The following COL12A1 variants were observed in gnomAD, a reference collection of about 807,000 sequenced individuals.
The protein encoded by COL12A1 is collagen type XII alpha 1 chain.
Under a neutral mutation model 349.7 loss-of-function variants are expected in COL12A1, and 114 were observed. That is an observed-to-expected ratio of 0.33 (90% CI 0.28 to 0.38). The LOEUF (loss-of-function observed/expected upper bound fraction) is 0.38, where lower values mean the gene tolerates loss of function less well. COL12A1 is among the 10% of genes least tolerant of loss of function. The pLI, the probability that COL12A1 is intolerant of heterozygous loss-of-function variation, is 1.00. For missense variants in COL12A1, 3,284 were observed against 3,756.9 expected, an observed-to-expected ratio of 0.87 and a Z score of 3.29; for synonymous variants, 1,369 against 1,329.0, an observed-to-expected ratio of 1.03 and a Z score of -0.66.
intron 17 of COL12A1, among the ~76,000 whole-genome samples, chr6:75,152,972 TAA>T (rs535735901): frequency 1.8e-4 from 28 of 152,136 alleles, no homozygotes; most frequent in African/African-American, 5.8e-4. Context: ...ATATGTAAAC[TAA>T]AAAAAGGTTT....
Position 75,177,812 on chromosome 6 carries a change from C to G in COL12A1, c.2288G>C (p.Gly763Ala). The G allele has an allele frequency of 3.1e-6, 5 of 1,614,124 alleles. No homozygotes were observed. The highest frequency in any genetic ancestry group is 4.2e-6 in the Non-Finnish European group (5 of 1,180,030). ...TGGGGTGGTAACTTCTCTGCTCTCTCCACCAGCAACTGGTCTATATATAAT... is the reference window on the plus strand; with the variant it reads ...TGGGGTGGTAACTTCTCTGCTCTCTGCACCAGCAACTGGTCTATATATAAT... ...YRIIYRPVAG[G>A]ESREVTTPPN... The change falls in exon 12 of 66, where the codon GGA becomes GCA. Residue 763 changes from glycine (G) to alanine (A), a missense_variant. Around this residue, in one of 2 missense-constraint regions of COL12A1, gnomAD observed 2,601 missense variants for 2,824.8 expected, o/e 0.92. Coordinates refer to ENST00000322507, the MANE Select transcript of COL12A1 (RefSeq NM_004370.6).
In COL12A1 at chr6:75,122,083, C is replaced by T. The variant is rs1765766772; in HGVS notation, c.6947-642G>A. ...CATGTTGGCCATGATGGTCTCGATC[C>T]ACCTGTCCCGGCCTCCCAAAGTGCT... On this transcript the variant is annotated intron_variant, in intron 43 of 65. Transcript: ENST00000322507. Among the ~76,000 whole-genome samples, 3 of 151,986 alleles carry T rather than the reference C, an allele frequency of 2.0e-5. No homozygotes were observed. The South Asian group carries it at 6.2e-4, about 32-fold the overall frequency.
chr6:75,131,941 G>C lies in COL12A1; in HGVS notation c.5936C>G (p.Ser1979Cys). Residue 1979 changes from serine to cysteine, a missense_variant and splice_region_variant, in exon 35 of 66, where the codon TCT becomes TGT. Coordinates refer to ENST00000322507, the MANE Select transcript of COL12A1 (RefSeq NM_004370.6). ...AGTTTCCATGACAAAATTACTTACA[G>C]ATTCTGAGGGTCTTGTGCCATCCAC... is the stretch of plus-strand genomic sequence containing the variant. Reference protein sequence around the residue: ...SPVDGTRPSESIVVPGNTRMV... With the variant: ...SPVDGTRPSECIVVPGNTRMV... 6.2e-7 allele frequency: 1 copy of C among 1,613,362 alleles called. No individual in the cohort carries two copies. The highest frequency in any genetic ancestry group is 8.5e-7 in the Non-Finnish European group (1 of 1,179,634).
chr6:75,158,990 TA>T (rs1400704244), intron 14 of COL12A1, among the ~76,000 whole-genome samples: 2 of 151,916 alleles, frequency 1.3e-5, no homozygotes, highest in Non-Finnish European at 2.9e-5. Flanking sequence ...TCAAATTTTA[TA>T]AAAACCATAA....
Position 75,154,444 on chromosome 6 carries a change from G to A in COL12A1, c.3537C>T (p.Asp1179=), listed in dbSNP as rs754699316. The change falls in exon 17 of 66, where the codon GAC becomes GAT. Residue 1179 remains aspartate (D), a synonymous_variant. Coordinates refer to ENST00000322507, the MANE Select transcript of COL12A1 (RefSeq NM_004370.6). ...AAGATAAAATTGGCATAACAGTTGTGTCGGAAAGGGTTGTCATTTCTTGTC... is the reference window on the plus strand; with the variant it reads ...AAGATAAAATTGGCATAACAGTTGTATCGGAAAGGGTTGTCATTTCTTGTC... The part of the protein sequence containing the change: ...LVGQEMTTLS[D]TTVMPILSSG... 6 of 1,612,416 alleles carry A rather than the reference G, an allele frequency of 3.7e-6. No homozygotes were observed. In the East Asian group the frequency reaches 1.1e-4, roughly 30 times the overall value.
At chr6:75,142,760 C>T (rs1002488511) in intron 26 of COL12A1, among the ~76,000 whole-genome samples, 15 of 152,126 alleles carry the variant, frequency 9.9e-5, no homozygotes, top group Non-Finnish European at 1.3e-4. Context: ...ACTTTGAATC[C>T]GGTCATCACG....
intron 2 of COL12A1, among the ~76,000 whole-genome samples, chr6:75,196,642 T>C (rs1440816100): frequency 6.6e-6 from 1 of 152,216 alleles, no homozygotes; most frequent in East Asian, 1.9e-4. Flanking sequence ...CATCACTCAG[T>C]ATAACATGCA....
chr6:75,181,463 T>A (rs1769288581), intron 10 of COL12A1, among the ~76,000 whole-genome samples: 1 of 152,188 alleles, frequency 6.6e-6, no homozygotes, highest in African/African-American at 2.4e-5. Context: ...AAATGACTGA[T>A]TAAATTTGAA....
rs1765717648 is a variant in COL12A1 at position 75,121,343 on chromosome 6, T to C, written c.7045A>G (p.Thr2349Ala). ...FNKVVKFIFNTVGGFDEISPA... is the reference protein window; with the variant it reads ...FNKVVKFIFNAVGGFDEISPA... ...CTGATTTCATCAAAGCCTCCCACAG[T>C]ATTGAAGATGAATTTTACAACTTTG... The change falls in exon 44 of 66, where the codon ACT becomes GCT. Residue 2349 changes from threonine (T) to alanine (A), a missense_variant. This residue lies in a region of COL12A1 where 683 missense variants were observed against 932.1 expected (regional missense o/e 0.73). Coordinates refer to ENST00000322507, the MANE Select transcript of COL12A1 (RefSeq NM_004370.6). 2 of 1,612,422 alleles carry C rather than the reference T, an allele frequency of 1.2e-6. No individual in the cohort carries two copies. The highest frequency in any genetic ancestry group is 1.7e-6 in the Non-Finnish European group (2 of 1,178,866).
chr6:75,138,007 C>T (rs2149395073), intron 30 of COL12A1, among the ~76,000 whole-genome samples: 1 of 152,056 alleles, frequency 6.6e-6, no homozygotes, highest in East Asian at 1.9e-4. Context: ...AGGAAAGCCA[C>T]CACCCAGAAA....
intron 51 of COL12A1, chr6:75,112,976 A>T (rs1240765474): frequency 3.7e-6 from 1 of 273,634 alleles, no homozygotes; most frequent in Non-Finnish European, 6.7e-6. Context: ...TTCAAATTTT[A>T]AAAAGAAATA....
intron 32 of COL12A1, 36 bp from the exon 33 acceptor site, chr6:75,134,033 T>A (rs1361721040): frequency 1.9e-6 from 3 of 1,595,192 alleles, no homozygotes; most frequent in Non-Finnish European, 1.7e-6. Context: ...AGTATAATGC[T>A]AACAATCAAG....
rs759184281 is a variant in COL12A1, at chr6:75,183,640, C to T, written c.1301G>A (p.Gly434Asp). Residue 434 changes from glycine to aspartate, a missense_variant, in exon 10 of 66, where the codon GGT becomes GAT. Transcript: ENST00000322507. ...CACAATATCGGCTTTTATATCCACA[C>T]CACGTGAGCATTCTGTAAAGAGAAA... ...PMKVQVECSR[G>D]VDIKADIVFL... 2.2e-5 allele frequency: 35 copies of T among 1,604,182 alleles called. No individual in the cohort carries two copies. In the East Asian group the frequency reaches 6.9e-4, roughly 32 times the overall value.
chr6:75,192,610 T>C (rs993712418), intron 3 of COL12A1, among the ~76,000 whole-genome samples: 1 of 152,120 alleles, frequency 6.6e-6, no homozygotes, highest in African/African-American at 2.4e-5. Flanking sequence ...ACATTTCTAG[T>C]TTAAAGGTAT....
intron 8 of COL12A1, among the ~76,000 whole-genome samples, chr6:75,185,650 G>A (rs1444165136): frequency 6.6e-6 from 1 of 152,068 alleles, no homozygotes; most frequent in Non-Finnish European, 1.5e-5. Context: ...AAAAGAATCC[G>A]AATATCCAAG....
intron 2 of COL12A1, among the ~76,000 whole-genome samples, chr6:75,199,032 A>C (rs934984667): frequency 6.6e-6 from 1 of 152,220 alleles, no homozygotes; most frequent in Non-Finnish European, 1.5e-5. Context: ...ATTTCATTTG[A>C]GTTTTCAAGG....
chr6:75,156,244 T>C lies in COL12A1; in HGVS notation c.3250+13A>G, dbSNP rs761646670. ...CCTTCTCTCCCCCTCAAAATATAAT[T>C]ATTATTTCATACCTGTTGTTCCTGA... is the stretch of plus-strand genomic sequence containing the variant. On this transcript the variant is annotated intron_variant, in intron 15 of 65. Transcript: ENST00000322507. 3 of 1,612,398 alleles carry C rather than the reference T, an allele frequency of 1.9e-6. No homozygotes were observed. The highest frequency in any genetic ancestry group is 2.2e-5 in the South Asian group (2 of 90,898).
Position 75,183,374 on chromosome 6 carries a change from T to C in COL12A1, c.1567A>G (p.Met523Val), listed in dbSNP as rs771336196. 6.2e-7 allele frequency: 1 copy of C among 1,614,236 alleles called. No individual in the cohort carries two copies. The highest frequency in any genetic ancestry group is 8.5e-7 in the Non-Finnish European group (1 of 1,180,046). Residue 523 changes from methionine to valine, a missense_variant, in exon 10 of 66, where the codon ATG becomes GTG. Around this residue, in one of 2 missense-constraint regions of COL12A1, gnomAD observed 2,601 missense variants for 2,824.8 expected, o/e 0.92. Transcript: ENST00000322507. ...RGGSTNTGKA[M>V]TYVREKIFVP... ...AATATTTTCTCTCTGACATAAGTCA[T>C]TGCTTTGCCAGTATTTGTAGATCCT...
chr6:75,125,313 C>A (rs768540284), intron 39 of COL12A1, 40 bp from the exon 40 acceptor site: 7 of 1,526,462 alleles, frequency 4.6e-6, no homozygotes, highest in South Asian at 1.3e-5. Flanking sequence ...AACATGCCAT[C>A]AATAGCATGA....
Sources: gnomAD v4.1 joint callset for allele counts (sites outside exome capture counted in the v4.1 genomes callset) on GRCh38, gnomAD v4.1.1 for gene constraint, gnomAD v4.1.1 regional missense constraint, MANE v1.5 for transcripts, NCBI Gene and HGNC (gene_info 2026-07-23, HGNC 2026-07-21) for gene names.